The following PDCL3 variants were observed in gnomAD, a reference collection of about 807,000 sequenced individuals.
PDCL3 encodes the protein phosducin-like protein 3.
Under a neutral mutation model 26.5 loss-of-function variants are expected in PDCL3, and 22 were observed. The ratio of observed to expected loss-of-function variants is 0.83; its 90% CI spans 0.59 to 1.19. The LOEUF is 1.19. PDCL3 is among the 50% of genes most tolerant of loss of function. The pLI is 0.00. For synonymous variants in PDCL3, 81 were observed against 104.9 expected (o/e 0.77, Z 1.39); for missense variants, 246 against 294.1 (o/e 0.84, Z 1.20).
intron 2 of PDCL3, among the ~76,000 whole-genome samples, chr2:100,568,057 C>T (rs907062101): frequency 5.3e-5 from 8 of 152,078 alleles, no homozygotes; most frequent in East Asian, 1.9e-4. Flanking sequence ...TCTAGTGATC[C>T]GCCCACCTCA....
At chr2:100,563,750 GA>G (rs1453251983) in intron 1 of PDCL3, among the ~76,000 whole-genome samples, 1 of 152,042 alleles carries the variant, frequency 6.6e-6, no homozygotes, top group Non-Finnish European at 1.5e-5. Context: ...TATTGTGGGT[GA>G]AAACCTATGC....
intron 1 of PDCL3, among the ~76,000 whole-genome samples, chr2:100,565,901 CATTATT>C (rs1049183739): frequency 2.0e-5 from 3 of 151,890 alleles, no homozygotes; most frequent in South Asian, 4.1e-4. Context: ...ATCACTCAGT[CATTATT>C]ATTATTATTA....
chr2:100,571,802 A>C lies in PDCL3; in HGVS notation c.577+4A>C. The C allele has an allele frequency of 6.2e-7, 1 of 1,613,704 alleles. No homozygotes were observed. Among genetic ancestry groups the C allele is most frequent in the Non-Finnish European group, 8.5e-7 (1 of 1,179,678 alleles). ...GGCATGAACCTGACAAGAGATGGTA[A>C]GGGCTCTGGGAGACAGGCGGGGCAG... On this transcript the variant is annotated splice_donor_region_variant and intron_variant, in intron 5 of 5. Coordinates refer to ENST00000264254, the MANE Select transcript of PDCL3 (RefSeq NM_024065.5).
At chr2:100,574,473 A>G (rs1167740512) in intron 5 of PDCL3, among the ~76,000 whole-genome samples, 3 of 151,478 alleles carry the variant, frequency 2.0e-5, no homozygotes, top group South Asian at 4.2e-4. Flanking sequence ...TGACTGAGGT[A>G]TGATGACCAA....
Position 100,571,758 on chromosome 2 carries a change from T to A in PDCL3, c.537T>A (p.Ile179=). 6.2e-7 allele frequency: 1 copy of A among 1,614,132 alleles called. No homozygotes were observed. Among genetic ancestry groups the A allele is most frequent in the South Asian group, 1.1e-5 (1 of 91,088 alleles). ...AAGGAGATATCAAGGCTCAGTTTAT[T>A]GGTCCTCTGGTGTTTGGCGGCATGA... The part of the protein sequence containing the change: ...YLEGDIKAQF[I]GPLVFGGMNL... Residue 179 remains isoleucine, a synonymous_variant, in exon 5 of 6, where the codon ATT becomes ATA. Transcript: ENST00000264254.
In PDCL3 at chr2:100,576,690, A is replaced by G. The variant is rs534467844; in HGVS notation, c.*194A>G. 3.1e-5 allele frequency: 17 copies of G among 554,520 alleles called. No individual in the cohort carries two copies. The East Asian group carries it at 6.4e-4, about 21-fold the overall frequency. 34.3% of individuals were successfully genotyped at this position (554,520 alleles called of 1,614,324 possible). A position where few individuals can be genotyped will look rare whatever the true frequency, so the allele number is the denominator to read the frequency against. The stretch of plus-strand genomic sequence containing the variant: ...GGAACTCTTTTTTTTTTTAAATTAT[A>G]GTATTTCCTCTAAAAAAAATTAAAA... On this transcript the variant is annotated 3_prime_UTR_variant, in exon 6 of 6. Transcript: ENST00000264254.
intron 1 of PDCL3, 91 bp from the exon 2 acceptor site, chr2:100,566,412 C>T (rs1455178530): frequency 2.3e-5 from 33 of 1,461,352 alleles, no homozygotes; most frequent in Non-Finnish European, 2.8e-5. Context: ...TTCCTCCCTT[C>T]CTGTCACTTT....
At chr2:100,574,534 A>G (rs536234034) in intron 5 of PDCL3, among the ~76,000 whole-genome samples, 1 of 152,290 alleles carries the variant, frequency 6.6e-6, no homozygotes, top group South Asian at 2.1e-4. Flanking sequence ...ATAGAGGTAC[A>G]ATGTGAAATG....
Position 100,566,636 on chromosome 2 carries a change from T to C in PDCL3, c.133+7T>C. On this transcript the variant is annotated splice_region_variant and intron_variant, in intron 2 of 5. Coordinates refer to ENST00000264254, the MANE Select transcript of PDCL3 (RefSeq NM_024065.5). ...ATCCTCCAGCAGTCAGTGGGTGAGT[T>C]CACTCGCTTTCCTCTGCACCTGTCT... 1 of 1,613,632 alleles carries C rather than the reference T, an allele frequency of 6.2e-7. No homozygotes were observed. The highest frequency in any genetic ancestry group is 8.5e-7 in the Non-Finnish European group (1 of 1,179,764).
At chr2:100,570,650 G>T (rs1011064440) in intron 4 of PDCL3, among the ~76,000 whole-genome samples, 1 of 151,712 alleles carries the variant, frequency 6.6e-6, no homozygotes, top group African/African-American at 2.4e-5. Context: ...GCTGATTTTT[G>T]TATTTTTAGT....
intron 5 of PDCL3, chr2:100,572,152 T>G: frequency 3.9e-6 from 1 of 253,316 alleles, no homozygotes; most frequent in Admixed American, 5.1e-5. Flanking sequence ...ATGTATGTAT[T>G]TGTATTTTTC....
At chr2:100,571,151 G>A (rs946345398) in intron 4 of PDCL3, among the ~76,000 whole-genome samples, 1 of 111,228 alleles carries the variant, frequency 9.0e-6, no homozygotes, top group Admixed American at 8.0e-5. Flanking sequence ...GCATGGTGGT[G>A]TGTGCCTGTA....
intron 5 of PDCL3, among the ~76,000 whole-genome samples, chr2:100,573,980 G>GATAT (rs138137049): frequency 8.1e-4 from 123 of 151,636 alleles, no homozygotes; most frequent in African/African-American, 2.7e-3. Context: ...GATATATAAA[G>GATAT]ATATATATAT....
chr2:100,573,716 T>C (rs1471022526), intron 5 of PDCL3, among the ~76,000 whole-genome samples: 5 of 150,540 alleles, frequency 3.3e-5, no homozygotes, highest in African/African-American at 7.3e-5. Context: ...AGTATAAATA[T>C]ACAAACATAC....
chr2:100,568,673 A>C (rs538895483), intron 2 of PDCL3, among the ~76,000 whole-genome samples: 122 of 152,174 alleles, frequency 8.0e-4, no homozygotes, highest in African/African-American at 2.8e-3. Flanking sequence ...GAGGCGGAAT[A>C]GGAGAAGAGA....
chr2:100,566,708 C>G (rs1675068774), intron 2 of PDCL3, 79 bp downstream of exon 2: 3 of 1,577,762 alleles, frequency 1.9e-6, no homozygotes, highest in Non-Finnish European at 2.6e-6. Context: ...TGCCAGGAGA[C>G]AGGTTGGAGT....
At chr2:100,566,454 C>T (rs1270227130) in intron 1 of PDCL3, 49 bp from the exon 2 acceptor site, 1 of 1,600,804 alleles carries the variant, frequency 6.2e-7, no homozygotes, top group Non-Finnish European at 8.5e-7. Context: ...ACGTGGCACC[C>T]TACATACTAG....
At chr2:100,569,133 G>A in intron 3 of PDCL3, 112 bp downstream of exon 3, 2 of 893,274 alleles carry the variant, frequency 2.2e-6, no homozygotes, top group East Asian at 2.6e-5. Context: ...ACTCATACCT[G>A]TAGTCCCAAC....
At chr2:100,573,806 G>T (rs1664677464) in intron 5 of PDCL3, among the ~76,000 whole-genome samples, 1 of 151,710 alleles carries the variant, frequency 6.6e-6, no homozygotes, top group African/African-American at 2.4e-5. Flanking sequence ...CTAAATACAT[G>T]TTTGCATCTT....
Sources: gnomAD v4.1 joint callset for allele counts (sites outside exome capture counted in the v4.1 genomes callset) on GRCh38, gnomAD v4.1.1 for gene constraint, MANE v1.5 for transcripts, NCBI Gene and HGNC (gene_info 2026-07-23, HGNC 2026-07-21) for gene names.